ABCB4: variants seen among roughly 807,000 people sequenced by gnomAD.
The protein encoded by ABCB4 is phosphatidylcholine translocator ABCB4.
Under a neutral mutation model 145.7 loss-of-function variants are expected in ABCB4, and 76 were observed. The ratio of observed to expected loss-of-function variants is 0.52; its 90% CI spans 0.43 to 0.63. ABCB4 has a LOEUF of 0.63. ABCB4 is among the 30% of genes least tolerant of loss of function. The probability of loss-of-function intolerance (pLI) is 0.00; values close to 1 mark genes in which losing one functional copy is unlikely to be tolerated. For synonymous variants in ABCB4, 517 were observed against 566.8 expected, an observed-to-expected ratio of 0.91 and a Z score of 1.25; for missense variants, 1,234 against 1,553.1, an observed-to-expected ratio of 0.79 and a Z score of 3.45.
chr7:87,440,763 A>G (rs1237960536), intron 12 of ABCB4, among the ~76,000 whole-genome samples: 3 of 151,946 alleles, frequency 2.0e-5, no homozygotes, highest in Non-Finnish European at 4.4e-5. Context: ...TTTTTTTGAA[A>G]TGGAGTCTCG....
chr7:87,462,514 G>C (rs1039737722), intron 4 of ABCB4, among the ~76,000 whole-genome samples: 1 of 152,118 alleles, frequency 6.6e-6, no homozygotes, highest in African/African-American at 2.4e-5. Context: ...ACTTTATTTA[G>C]AAGCTTCCTG....
At chr7:87,392,581 C>G in the ABCB4 span, 1 of 1,613,196 alleles carries the variant, frequency 6.2e-7, no homozygotes, top group Admixed American at 1.7e-5. Flanking sequence ...TGAGCGGCAG[C>G]AAAAGATGTT....
At chr7:87,373,123 G>A in the ABCB4 span, among the ~76,000 whole-genome samples, 7 of 151,986 alleles carry the variant, frequency 4.6e-5, no homozygotes, top group Admixed American at 2.6e-4. Flanking sequence ...CTTATTGTCT[G>A]CCTTTTTTAT....
At chr7:87,459,407 T>G (rs1812307449) in intron 4 of ABCB4, among the ~76,000 whole-genome samples, 1 of 152,196 alleles carries the variant, frequency 6.6e-6, no homozygotes, top group Non-Finnish European at 1.5e-5. Context: ...TATCTTTTTT[T>G]GAGTGGCTCA....
chr7:87,448,448 C>A (rs1811490089), intron 8 of ABCB4, among the ~76,000 whole-genome samples: 1 of 152,174 alleles, frequency 6.6e-6, no homozygotes, highest in African/African-American at 2.4e-5. Context: ...TGGTTGGGGG[C>A]TGCATTCATA....
At chr7:87,415,471 A>C (rs1377820757) in intron 21 of ABCB4, among the ~76,000 whole-genome samples, 1 of 152,004 alleles carries the variant, frequency 6.6e-6, no homozygotes, top group Non-Finnish European at 1.5e-5. Context: ...AATCTTTCAT[A>C]TTTAAAATCT....
intron 3 of ABCB4, among the ~76,000 whole-genome samples, chr7:87,463,464 A>T (rs959856302): frequency 6.6e-6 from 1 of 152,242 alleles, no homozygotes; most frequent in Admixed American, 6.5e-5. Context: ...AGTCTTGCCT[A>T]TGGAGATCCT....
chr7:87,461,093 G>C (rs1256117406), intron 4 of ABCB4, among the ~76,000 whole-genome samples: 1 of 152,050 alleles, frequency 6.6e-6, no homozygotes, highest in Non-Finnish European at 1.5e-5. Context: ...TTACAGGCAT[G>C]AGCCACCATG....
intron 26 of ABCB4, chr7:87,403,491 T>C (rs1349925971): frequency 1.8e-6 from 1 of 565,388 alleles, no homozygotes; most frequent in African/African-American, 1.9e-5. Flanking sequence ...ATTAACTTTC[T>C]TTAAAATAGG....
downstream of ABCB4, chr7:87,398,718 G>A (rs187783732): frequency 6.4e-6 from 9 of 1,408,276 alleles, no homozygotes; most frequent in Admixed American, 7.9e-5. Context: ...GGTAATATGA[G>A]ATGGGAAGGA....
At chr7:87,403,656 C>A (rs1807968644) in intron 26 of ABCB4, among the ~76,000 whole-genome samples, 1 of 152,208 alleles carries the variant, frequency 6.6e-6, no homozygotes, top group Non-Finnish European at 1.5e-5. Context: ...AGCATCACCA[C>A]AAATACTTGA....
At chr7:87,385,141 T>C in the ABCB4 span, among the ~76,000 whole-genome samples, 1 of 152,222 alleles carries the variant, frequency 6.6e-6, no homozygotes, top group South Asian at 2.1e-4. Context: ...CTCAAGCTTT[T>C]TTTTTTTTCC....
chr7:87,397,718 C>A (rs1231930028), downstream of ABCB4, among the ~76,000 whole-genome samples: 1 of 152,182 alleles, frequency 6.6e-6, no homozygotes, highest in Non-Finnish European at 1.5e-5. Flanking sequence ...ACATTGGTTT[C>A]ATCATTATAT....
intron 8 of ABCB4, chr7:87,448,595 G>A (rs1811501613): frequency 6.6e-6 from 1 of 152,252 alleles, no homozygotes; most frequent in Non-Finnish European, 1.5e-5. Context: ...GACAGCAGCG[G>A]ACACACTGTA....
chr7:87,394,868 C>T, the ABCB4 span, among the ~76,000 whole-genome samples: 1 of 151,834 alleles, frequency 6.6e-6, no homozygotes, highest in Non-Finnish European at 1.5e-5. Context: ...TTAAAAATGT[C>T]AAGATAACAG....
intron 8 of ABCB4, among the ~76,000 whole-genome samples, chr7:87,449,409 T>C (rs558635180): frequency 2.0e-5 from 3 of 152,200 alleles, no homozygotes; most frequent in African/African-American, 4.8e-5. Context: ...TTATTTTGTT[T>C]TTTGGGGCTT....
intron 10 of ABCB4, 130 bp from the exon 11 acceptor site, chr7:87,443,903 A>G: frequency 1.4e-6 from 1 of 713,084 alleles, no homozygotes; most frequent in Non-Finnish European, 2.5e-6. Context: ...AGAAAAACCC[A>G]AGATGAAGAT....
Position 87,418,613 on chromosome 7 carries a change from C to G in ABCB4, c.2402G>C (p.Ser801Thr). The part of the protein sequence containing the change: ...AFKAMLRQDM[S>T]WFDDHKNSTG... ...ACTGTTTTTATGGTCATCAAACCAG[C>G]TCATGTCCTATGGCATAAAATACAC... Residue 801 changes from serine (S) to threonine (T), a missense_variant, in exon 20 of 28, where the codon AGC (serine) becomes ACC (threonine). Ser to Thr is a moderately conservative substitution (Grantham distance 58). Transcript: ENST00000649586. 6.2e-7 allele frequency: 1 copy of G among 1,614,088 alleles called. No homozygotes were observed. The highest frequency in any genetic ancestry group is 8.5e-7 in the Non-Finnish European group (1 of 1,179,980).
chr7:87,444,987 A>G lies in ABCB4; in HGVS notation c.1006-12T>C. The G allele has an allele frequency of 6.4e-7, 1 of 1,558,284 alleles. No individual in the cohort carries two copies. Among genetic ancestry groups the G allele is most frequent in the Non-Finnish European group, 8.7e-7 (1 of 1,143,106 alleles). ...ATTGAAAAAAAAACCTGAGCAAAAT[A>G]ACATGAGGAAAAGTTTAAGTCACAT... On this transcript the variant is annotated splice_polypyrimidine_tract_variant and intron_variant, in intron 9 of 27. Coordinates refer to ENST00000649586, the MANE Select transcript of ABCB4 (RefSeq NM_000443.4).
Sources: gnomAD v4.1 joint callset for allele counts (sites outside exome capture counted in the v4.1 genomes callset) on GRCh38, gnomAD v4.1.1 for gene constraint, MANE v1.5 for transcripts, NCBI Gene and HGNC (gene_info 2026-07-23, HGNC 2026-07-21) for gene names.